FOCAD: variants seen among roughly 807,000 people sequenced by gnomAD.
The protein encoded by FOCAD is KIAA1797.
Under a neutral mutation model 225.6 loss-of-function variants are expected in FOCAD, and 198 were observed. The ratio of observed to expected loss-of-function variants is 0.88; its 90% confidence interval spans 0.78 to 0.99. The LOEUF (loss-of-function observed/expected upper bound fraction) is 0.99. Among genes scored for constraint, FOCAD ranks in the 50% least tolerant of loss-of-function variants. The probability of loss-of-function intolerance (pLI) is 0.00; values close to 1 mark genes in which losing one functional copy is unlikely to be tolerated. For missense variants in FOCAD, 2,713 were observed against 2,123.6 expected, an observed-to-expected ratio of 1.28 and a Z score of -5.46; for synonymous variants, 897 against 755.0, an observed-to-expected ratio of 1.19 and a Z score of -3.08.
chr9:20,793,220 C>A (rs184739601), intron 11 of FOCAD, among the ~76,000 whole-genome samples: 1 of 152,140 alleles, frequency 6.6e-6, no homozygotes, highest in Non-Finnish European at 1.5e-5. Flanking sequence ...TTGGGATGAG[C>A]CTGCCAGCAT....
At chr9:20,760,410 T>A (rs1206822611) in intron 6 of FOCAD, among the ~76,000 whole-genome samples, 1 of 152,252 alleles carries the variant, frequency 6.6e-6, no homozygotes, top group Non-Finnish European at 1.5e-5. Context: ...ATGATGCAGT[T>A]CCAATCTATC....
chr9:20,828,697 G>A (rs952956370), intron 15 of FOCAD, among the ~76,000 whole-genome samples: 2 of 152,054 alleles, frequency 1.3e-5, no homozygotes, highest in African/African-American at 2.4e-5. Flanking sequence ...AGGTAAACGT[G>A]TGCCATGGTG....
intron 21 of FOCAD, among the ~76,000 whole-genome samples, chr9:20,903,158 C>G (rs1368796965): frequency 1.3e-5 from 2 of 151,892 alleles, no homozygotes; most frequent in Non-Finnish European, 2.9e-5. Context: ...CCACCTCCAT[C>G]TCCTAACAAT....
chr9:20,685,128 A>G (rs1215556533), intron 1 of FOCAD, among the ~76,000 whole-genome samples: 1 of 152,094 alleles, frequency 6.6e-6, no homozygotes, highest in Non-Finnish European at 1.5e-5. Context: ...ACCAGGTATT[A>G]AAATCGGCAT....
At chr9:20,917,141 G>T (rs796201843) in intron 24 of FOCAD, among the ~76,000 whole-genome samples, 1 of 151,798 alleles carries the variant, frequency 6.6e-6, no homozygotes, top group South Asian at 2.1e-4. Flanking sequence ...CAGAAGGATT[G>T]GTACTAACAT....
intron 35 of FOCAD, among the ~76,000 whole-genome samples, chr9:20,974,118 C>A: frequency 6.8e-6 from 1 of 148,070 alleles, no homozygotes. Flanking sequence ...CTGTTCATGG[C>A]CTCTGCTTCT....
intron 22 of FOCAD, 152 bp downstream of exon 22, chr9:20,907,394 T>C: frequency 1.4e-6 from 1 of 693,726 alleles, no homozygotes. Flanking sequence ...GTGAGGCATA[T>C]ATATATAGCA....
intron 24 of FOCAD, among the ~76,000 whole-genome samples, chr9:20,923,059 T>G (rs1228976643): frequency 2.6e-5 from 4 of 152,192 alleles, no homozygotes; most frequent in Non-Finnish European, 5.9e-5. Context: ...CCTTTTTCAT[T>G]TGCATCTTAT....
At chr9:20,856,369 G>A (rs1285021572) in intron 15 of FOCAD, among the ~76,000 whole-genome samples, 1 of 151,710 alleles carries the variant, frequency 6.6e-6, no homozygotes, top group African/African-American at 2.4e-5. Context: ...TCATGTACCT[G>A]CTAACCATTC....
chr9:20,937,493 T>G (rs982060727), intron 28 of FOCAD, among the ~76,000 whole-genome samples: 1 of 151,844 alleles, frequency 6.6e-6, no homozygotes, highest in Non-Finnish European at 1.5e-5. Context: ...ATTCCCTATT[T>G]AATAAATGGT....
At chr9:20,678,320 C>T (rs911399689) in intron 2 of FOCAD, among the ~76,000 whole-genome samples, 1 of 152,150 alleles carries the variant, frequency 6.6e-6, no homozygotes, top group Non-Finnish European at 1.5e-5. Context: ...ATTGCCCAAG[C>T]TGACCTTGAG....
rs1840677410 is a variant in FOCAD at position 20,981,301 on chromosome 9, G to T, written c.4378-125G>T. On this transcript the variant is annotated intron_variant, in intron 37 of 43. Coordinates refer to ENST00000338382, the MANE Select transcript of FOCAD (RefSeq NM_001375567.1). ...GTGAAGCTGTGGGAAAATGAAGGGG[G>T]AAGGAAGTAACCTGAACCTTTTATC... 3.6e-6 allele frequency: 4 copies of T among 1,118,724 alleles called. No homozygotes were observed. In the South Asian group the frequency reaches 6.0e-5, roughly 17 times the overall value. 69.3% of individuals were successfully genotyped at this position (1,118,724 alleles called of 1,614,324 possible).
intron 21 of FOCAD, among the ~76,000 whole-genome samples, chr9:20,888,204 T>C (rs1015190387): frequency 2.0e-5 from 3 of 148,874 alleles, no homozygotes; most frequent in South Asian, 2.2e-4. Flanking sequence ...AGTGGTGCGA[T>C]CTCAGCTCAC....
intron 28 of FOCAD, among the ~76,000 whole-genome samples, chr9:20,940,705 T>G (rs1032258700): frequency 6.6e-6 from 1 of 152,216 alleles, no homozygotes; most frequent in African/African-American, 2.4e-5. Context: ...AACATGATAC[T>G]GAAGTAGGAA....
chr9:20,871,486 C>T (rs1171031994), intron 18 of FOCAD, among the ~76,000 whole-genome samples: 1 of 151,728 alleles, frequency 6.6e-6, no homozygotes, highest in Non-Finnish European at 1.5e-5. Flanking sequence ...TATAGTTTTA[C>T]TCGCATTGAC....
intron 19 of FOCAD, among the ~76,000 whole-genome samples, chr9:20,879,112 C>T (rs1830467758): frequency 6.6e-6 from 1 of 152,120 alleles, no homozygotes; most frequent in African/African-American, 2.4e-5. Flanking sequence ...AATGCTTTAC[C>T]AGGTTTCTAG....
chr9:20,883,386 A>G (rs1830840199), intron 20 of FOCAD, among the ~76,000 whole-genome samples: 1 of 152,236 alleles, frequency 6.6e-6, no homozygotes, highest in African/African-American at 2.4e-5. Context: ...AAAATATCTG[A>G]ACAATCTATG....
At chr9:20,745,370 G>A (rs1318835495) in intron 5 of FOCAD, among the ~76,000 whole-genome samples, 2 of 152,158 alleles carry the variant, frequency 1.3e-5, no homozygotes, top group Non-Finnish European at 2.9e-5. Context: ...GATTACAGGT[G>A]TGAGCCATGG....
Position 20,955,424 on chromosome 9 carries a change from A to C in FOCAD, c.4132+2359A>C, listed in dbSNP as rs950480150. On this transcript the variant is annotated intron_variant, in intron 35 of 43. Transcript: ENST00000338382. ...AACATATAAGATGTTCATAGCATCC[A>C]TTCTTTCATGCAGACCCACATTTTA... Among the ~76,000 whole-genome samples, 5 of 152,128 alleles carry C rather than the reference A, an allele frequency of 3.3e-5. No individual in the cohort carries two copies. The East Asian group carries it at 9.6e-4, about 29-fold the overall frequency.
Sources: gnomAD v4.1 joint callset for allele counts (sites outside exome capture counted in the v4.1 genomes callset) on GRCh38, gnomAD v4.1.1 for gene constraint, MANE v1.5 for transcripts, NCBI Gene and HGNC (gene_info 2026-07-23, HGNC 2026-07-21) for gene names.